Variants in CACNA1C observed in about 807,000 individuals in gnomAD.
The protein encoded by CACNA1C is calcium voltage-gated channel subunit alpha1 C.
CACNA1C carries 30 observed loss-of-function variants against 229.0 expected under a neutral mutation model. That is an observed-to-expected ratio of 0.13 (90% CI 0.10 to 0.18). The LOEUF is 0.18. Ranked by LOEUF, CACNA1C falls within the 10% of genes least tolerant of loss-of-function variation. The pLI is 1.00. For missense variants in CACNA1C, 1,658 were observed against 2,845.0 expected (o/e 0.58, Z 9.49); for synonymous variants, 1,114 against 1,132.5 (o/e 0.98, Z 0.33).
intron 9 of CACNA1C, among the ~76,000 whole-genome samples, chr12:2,522,294 C>A (rs961215789): frequency 6.6e-6 from 1 of 152,234 alleles, no homozygotes; most frequent in African/African-American, 2.4e-5. Context: ...TATTCACTCT[C>A]CCACTCAGTA....
intron 1 of CACNA1C, among the ~76,000 whole-genome samples, chr12:2,018,019 A>T (rs1165640742): frequency 2.6e-5 from 4 of 152,222 alleles, no homozygotes; most frequent in Non-Finnish European, 2.9e-5. Context: ...TTCTTAGCTC[A>T]AGGGACACAG....
At chr12:2,394,817 G>A (rs7955376) in intron 3 of CACNA1C, among the ~76,000 whole-genome samples, 9,539 of 152,206 alleles carry the variant, frequency 0.063, 319 homozygotes, top group African/African-American at 0.093. Flanking sequence ...TGAGTCTCGG[G>A]TAAGAAATTG....
At chr12:2,123,917 A>AATG (rs2088439040) in intron 3 of CACNA1C, among the ~76,000 whole-genome samples, 1 of 152,178 alleles carries the variant, frequency 6.6e-6, no homozygotes, top group Non-Finnish European at 1.5e-5. Context: ...AAAATATGTA[A>AATG]AGCCCTTAGG....
intron 11 of CACNA1C, among the ~76,000 whole-genome samples, chr12:2,557,966 G>A (rs1001640083): frequency 2.6e-5 from 4 of 152,206 alleles, no homozygotes; most frequent in African/African-American, 9.6e-5. Flanking sequence ...CACAAAGCTT[G>A]TATGTGCCAA....
chr12:2,566,633 C>G lies in CACNA1C; in HGVS notation c.1669+51C>G, dbSNP rs948003250. 12 of 1,502,470 alleles carry G rather than the reference C, an allele frequency of 8.0e-6. No individual in the cohort carries two copies. The African/African-American group carries it at 1.7e-4, about 21-fold the overall frequency. The allele number at this position is 1,502,470 out of a possible 1,614,324, so 93.1% of individuals were successfully genotyped here. On this transcript the variant is annotated intron_variant, in intron 12 of 46. Transcript: ENST00000399655. The surrounding 1 kb of genome is among the most constrained non-coding windows in gnomAD (Gnocchi z 4.0). The stretch of plus-strand genomic sequence containing the variant: ...TGGTTTCCTCCTGGTAACTCAGCCC[C>G]AAGGCCCAGGGGAGGGCATAACCAC...
At chr12:2,021,007 G>A (rs559117393) in intron 1 of CACNA1C, among the ~76,000 whole-genome samples, 29 of 152,168 alleles carry the variant, frequency 1.9e-4, no homozygotes, top group Admixed American at 9.8e-4. Flanking sequence ...AGTTTCCAGG[G>A]TAAGTAGGAA....
intron 27 of CACNA1C, among the ~76,000 whole-genome samples, chr12:2,609,104 G>T (rs1007746295): frequency 6.6e-6 from 1 of 152,180 alleles, no homozygotes; most frequent in Non-Finnish European, 1.5e-5. Context: ...GGAACAGAAC[G>T]GCTTCAGGAA....
At chr12:2,431,686 C>T (rs900479540) in intron 3 of CACNA1C, among the ~76,000 whole-genome samples, 1 of 152,152 alleles carries the variant, frequency 6.6e-6, no homozygotes, top group Non-Finnish European at 1.5e-5. Flanking sequence ...CAGGACCTGG[C>T]ATGCAGCAAG....
chr12:2,030,184 C>G (rs913304437), intron 1 of CACNA1C, among the ~76,000 whole-genome samples: 6 of 152,090 alleles, frequency 3.9e-5, no homozygotes, highest in Admixed American at 3.3e-4. Context: ...AATTTCTTGT[C>G]TATAAACATG....
At chr12:2,606,468 G>A (rs2075406010) in intron 24 of CACNA1C, 143 bp from the exon 25 acceptor site, 3 of 695,704 alleles carry the variant, frequency 4.3e-6, no homozygotes. Context: ...GTGCGTGTGA[G>A]TCAGGTCCTG....
At position 2,602,468 on chromosome 12, in the gene CACNA1C, T is replaced by G. The variant is rs2072963810; in HGVS notation, c.2960+508T>G. Among the ~76,000 whole-genome samples the G allele has an allele frequency of 2.6e-5, 4 of 151,876 alleles. No homozygotes were observed. The highest frequency in any genetic ancestry group is 2.6e-4 in the Admixed American group (4 of 15,228). ...TGCACGTGTGTGGATGTGTGGGGTG[T>G]GTGTATATGTGGATGTGTGTTTGTG... On this transcript the variant is annotated intron_variant, in intron 22 of 46. Transcript: ENST00000399655. The surrounding 1 kb of genome is among the most constrained non-coding windows in gnomAD (Gnocchi z 4.4).
chr12:2,693,743 T>C lies in CACNA1C; in HGVS notation c.*2544T>C. The C allele has an allele frequency of 6.6e-6, 1 of 152,338 alleles. No individual in the cohort carries two copies. The highest frequency in any genetic ancestry group is 1.5e-5 in the Non-Finnish European group (1 of 68,060). The allele number at this position is 152,338 out of a possible 1,614,324, so 9.4% of individuals were successfully genotyped here. A position where few individuals can be genotyped will look rare whatever the true frequency, so the allele number is the denominator to read the frequency against. ...CTTTTGGTGCTGTGTCCTTCAAATG[T>C]ATGTCAACAGTGGTGGCTGAAAAGG... On this transcript the variant is annotated 3_prime_UTR_variant, in exon 47 of 47. Transcript: ENST00000399655.
Position 2,606,613 on chromosome 12 carries a change from A to G in CACNA1C, c.3159A>G (p.Gly1053=), listed in dbSNP as rs764298283. The change falls in exon 25 of 47, where the codon GGA becomes GGG. Residue 1053 remains glycine (G), a splice_region_variant and synonymous_variant. Coordinates refer to ENST00000399655, the MANE Select transcript of CACNA1C (RefSeq NM_000719.7). ...ATACTCTGTTCTCTGCCTTCCAGGG[A>G]AAGCTGTACACCTGTTCAGACAGTT... The part of the protein sequence containing the change: ...FACIGVQLFK[G]KLYTCSDSSK... The G allele has an allele frequency of 6.2e-6, 10 of 1,605,266 alleles. No individual in the cohort carries two copies. Among genetic ancestry groups the G allele is most frequent in the Non-Finnish European group, 7.7e-6 (9 of 1,176,024 alleles).
rs906720803 is a variant in CACNA1C at position 2,651,615 on chromosome 12, A to G, written c.3946-25A>G. The G allele has an allele frequency of 6.2e-7, 1 of 1,613,064 alleles. No individual in the cohort carries two copies. Among genetic ancestry groups the G allele is most frequent in the Non-Finnish European group, 8.5e-7 (1 of 1,179,628 alleles). On this transcript the variant is annotated intron_variant, in intron 31 of 46. Coordinates refer to ENST00000399655, the MANE Select transcript of CACNA1C (RefSeq NM_000719.7). The surrounding 1 kb of genome is among the most constrained non-coding windows in gnomAD (Gnocchi z 5.4). Reference sequence around the variant, plus strand: ...ACCCCCCTCTTGCTGTGCTAACTGCACCTCCTGTTGCCGACGGGTTCCAGA... The same window carrying G: ...ACCCCCCTCTTGCTGTGCTAACTGCGCCTCCTGTTGCCGACGGGTTCCAGA...
In CACNA1C at chr12:2,097,375, T is replaced by C. The variant is rs1456716066; in HGVS notation, c.50-17849T>C. ...GTTAGCCAGGATAGTCTCGATCTCC[T>C]GACCTTGTGATCCGCCCGCCTCGAC... On this transcript the variant is annotated intron_variant, in intron 1 of 46. Coordinates refer to ENST00000399655, the MANE Select transcript of CACNA1C (RefSeq NM_000719.7). Among the ~76,000 whole-genome samples, 5 of 152,066 alleles carry C rather than the reference T, an allele frequency of 3.3e-5. No individual in the cohort carries two copies. The East Asian group carries it at 9.7e-4, about 29-fold the overall frequency.
In CACNA1C at chr12:2,449,073, G is replaced by T; in HGVS notation, c.575G>T (p.Arg192Leu). Residue 192 changes from arginine to leucine, a missense_variant, in exon 4 of 47, where the codon CGC becomes CTC. Arg to Leu is a moderately radical substitution (Grantham distance 102). This residue lies in a region of CACNA1C where 89 missense variants were observed against 177.8 expected (regional missense o/e 0.50). Coordinates refer to ENST00000399655, the MANE Select transcript of CACNA1C (RefSeq NM_000719.7). ...CTCTTTCACCCCAATGCCTACCTCCGCAACGGCTGGAACCTACTAGATTTT... is the reference window on the plus strand; with the variant it reads ...CTCTTTCACCCCAATGCCTACCTCCTCAACGGCTGGAACCTACTAGATTTT... Reference protein sequence around the residue: ...GLLFHPNAYLRNGWNLLDFII... With the variant: ...GLLFHPNAYLLNGWNLLDFII... 6.3e-7 allele frequency: 1 copy of T among 1,581,060 alleles called. No homozygotes were observed. The highest frequency in any genetic ancestry group is 8.6e-7 in the Non-Finnish European group (1 of 1,161,566).
intron 3 of CACNA1C, among the ~76,000 whole-genome samples, chr12:2,360,864 A>G (rs2370513): frequency 0.69 from 105,219 of 151,768 alleles, 36,698 homozygotes; most frequent in African/African-American, 0.77. Flanking sequence ...AACTTATCCT[A>G]GGGAAGTTGG....
intron 3 of CACNA1C, among the ~76,000 whole-genome samples, chr12:2,437,840 A>G (rs963881832): frequency 1.9e-3 from 167 of 87,908 alleles, no homozygotes; most frequent in East Asian, 6.6e-3. Context: ...GGTGGTAATG[A>G]TGGTGGTGAT....
At chr12:2,262,737 T>C (rs1415133813) in intron 3 of CACNA1C, among the ~76,000 whole-genome samples, 1 of 152,128 alleles carries the variant, frequency 6.6e-6, no homozygotes, top group Non-Finnish European at 1.5e-5. Flanking sequence ...ATCAGAAAGT[T>C]AGTGACCGCA....
Sources: allele counts gnomAD v4.1 joint callset (sites outside exome capture counted in the v4.1 genomes callset), GRCh38; gene constraint gnomAD v4.1.1; regional missense constraint gnomAD v4.1.1; non-coding constraint Gnocchi (gnomAD v3.1); transcripts MANE v1.5; gene names NCBI Gene and HGNC (gene_info 2026-07-23, HGNC 2026-07-21).